FARSB: variants seen among roughly 807,000 people sequenced by gnomAD.
FARSB encodes phenylalanyl-tRNA synthetase subunit beta.
Under a neutral mutation model 69.6 loss-of-function variants are expected in FARSB, and 40 were observed. That is an observed-to-expected ratio of 0.57 (90% CI 0.45 to 0.75). The LOEUF (loss-of-function observed/expected upper bound fraction) is 0.75, where lower values mean the gene tolerates loss of function less well. Ranked by LOEUF, FARSB falls within the 30% of genes least tolerant of loss-of-function variation. The pLI is 0.00. For missense variants in FARSB, 632 were observed against 722.9 expected, an observed-to-expected ratio of 0.87 and a Z score of 1.44; for synonymous variants, 235 against 247.2, an observed-to-expected ratio of 0.95 and a Z score of 0.46.
intron 1 of FARSB, among the ~76,000 whole-genome samples, chr2:222,654,736 T>C (rs895893179): frequency 6.6e-6 from 1 of 152,178 alleles, no homozygotes; most frequent in Non-Finnish European, 1.5e-5. Context: ...AGTACACACT[T>C]AGGAAAGATT....
intron 16 of FARSB, among the ~76,000 whole-genome samples, chr2:222,585,554 A>T (rs1690090688): frequency 6.6e-6 from 1 of 152,256 alleles, no homozygotes; most frequent in Non-Finnish European, 1.5e-5. Flanking sequence ...GCTTCAGAAG[A>T]TCGGTAATAA....
intron 16 of FARSB, among the ~76,000 whole-genome samples, chr2:222,578,852 G>C (rs1379198183): frequency 6.6e-6 from 1 of 152,072 alleles, no homozygotes; most frequent in Non-Finnish European, 1.5e-5. Flanking sequence ...CGTGACGGTG[G>C]GCGCCTGTAG....
chr2:222,609,555 G>A (rs1690790016), intron 15 of FARSB, among the ~76,000 whole-genome samples: 1 of 152,132 alleles, frequency 6.6e-6, no homozygotes, highest in Non-Finnish European at 1.5e-5. Flanking sequence ...AATCAGCTGA[G>A]TCCCTTGAGT....
At chr2:222,574,392 A>G (rs1689785825) in intron 16 of FARSB, among the ~76,000 whole-genome samples, 1 of 152,220 alleles carries the variant, frequency 6.6e-6, no homozygotes, top group South Asian at 2.1e-4. Flanking sequence ...AGTATTCTAC[A>G]TAACATAAAT....
chr2:222,572,364 G>C (rs1036689663), intron 16 of FARSB, among the ~76,000 whole-genome samples: 3 of 152,078 alleles, frequency 2.0e-5, no homozygotes, highest in African/African-American at 4.8e-5. Context: ...TCCTAAAAAG[G>C]CCAAAAGGAA....
intron 16 of FARSB, among the ~76,000 whole-genome samples, chr2:222,576,307 C>A: frequency 6.6e-6 from 1 of 151,810 alleles, no homozygotes; most frequent in East Asian, 1.9e-4. Context: ...AGGCTCGAAC[C>A]CACATATTGT....
chr2:222,633,393 G>C, intron 6 of FARSB, 86 bp from the exon 7 acceptor site: 1 of 643,160 alleles, frequency 1.6e-6, no homozygotes, highest in African/African-American at 2.0e-5. Flanking sequence ...TATTAAAAAA[G>C]AAGAGAACGC....
At chr2:222,610,430 C>T (rs907632065) in intron 15 of FARSB, among the ~76,000 whole-genome samples, 2 of 151,830 alleles carry the variant, frequency 1.3e-5, no homozygotes, top group African/African-American at 4.8e-5. Context: ...ACTCAAAAAA[C>T]AACATTCCTG....
At chr2:222,642,151 C>T (rs1691737403) in intron 3 of FARSB, among the ~76,000 whole-genome samples, 2 of 152,232 alleles carry the variant, frequency 1.3e-5, no homozygotes, top group Admixed American at 6.5e-5. Context: ...CAGGTGCACG[C>T]CACTATGCCT....
At chr2:222,642,773 A>T in intron 3 of FARSB, 78 bp downstream of exon 3, 3 of 1,137,732 alleles carry the variant, frequency 2.6e-6, no homozygotes, top group Non-Finnish European at 3.7e-6. Flanking sequence ...CTAGAAATTT[A>T]AACATGGCTG....
chr2:222,611,671 A>G (rs937464478), intron 15 of FARSB, among the ~76,000 whole-genome samples: 1 of 152,190 alleles, frequency 6.6e-6, no homozygotes, highest in Admixed American at 6.5e-5. Context: ...CAGCTCTCTC[A>G]ATAGGAAGTC....
In FARSB at chr2:222,595,847, C is replaced by G. The variant is rs1690398600; in HGVS notation, c.1618+4081G>C. Among the ~76,000 whole-genome samples, 3 of 151,626 alleles carry G rather than the reference C, an allele frequency of 2.0e-5. No homozygotes were observed. In the South Asian group the frequency reaches 6.2e-4, roughly 32 times the overall value. On this transcript the variant is annotated intron_variant, in intron 16 of 16. Coordinates refer to ENST00000281828, the MANE Select transcript of FARSB (RefSeq NM_005687.5). ...AGTGGTTTTTGAAAAGGATAGATGC[C>G]TCTTAACATACATAATTAAGTTTGC... is the stretch of plus-strand genomic sequence containing the variant.
intron 15 of FARSB, among the ~76,000 whole-genome samples, chr2:222,602,815 CAT>C (rs1284457889): frequency 6.6e-6 from 1 of 152,000 alleles, no homozygotes; most frequent in Non-Finnish European, 1.5e-5. Flanking sequence ...TTTCATCTCT[CAT>C]TAGCACTTTA....
chr2:222,653,010 C>T (rs940133224), intron 1 of FARSB, among the ~76,000 whole-genome samples: 1 of 152,172 alleles, frequency 6.6e-6, no homozygotes, highest in African/African-American at 2.4e-5. Flanking sequence ...CGAAATGACA[C>T]ATCAAGTAAC....
At chr2:222,581,569 A>C (rs1689970410) in intron 16 of FARSB, among the ~76,000 whole-genome samples, 1 of 152,234 alleles carries the variant, frequency 6.6e-6, no homozygotes, top group Non-Finnish European at 1.5e-5. Context: ...TAAATACAGG[A>C]AATGTCAAAA....
intron 1 of FARSB, among the ~76,000 whole-genome samples, chr2:222,653,814 G>T (rs1409478984): frequency 6.6e-6 from 1 of 151,980 alleles, no homozygotes. Context: ...TAGAGACAGG[G>T]TTTTGCTGTG....
intron 5 of FARSB, among the ~76,000 whole-genome samples, chr2:222,634,942 C>T (rs1037458100): frequency 2.0e-5 from 3 of 152,122 alleles, no homozygotes; most frequent in African/African-American, 7.2e-5. Flanking sequence ...AACGAACTAT[C>T]GAATTGTGGG....
At chr2:222,625,581 C>T (rs1234554475) in intron 10 of FARSB, among the ~76,000 whole-genome samples, 2 of 152,196 alleles carry the variant, frequency 1.3e-5, no homozygotes, top group African/African-American at 4.8e-5. Flanking sequence ...GACACCAGAG[C>T]TACTGAAGCC....
At chr2:222,595,154 C>A (rs1690378134) in intron 16 of FARSB, among the ~76,000 whole-genome samples, 1 of 152,136 alleles carries the variant, frequency 6.6e-6, no homozygotes, top group African/African-American at 2.4e-5. Flanking sequence ...GTTGTCTTCA[C>A]AATTTATTTG....
Sources: allele counts gnomAD v4.1 joint callset (sites outside exome capture counted in the v4.1 genomes callset), GRCh38; gene constraint gnomAD v4.1.1; transcripts MANE v1.5; gene names NCBI Gene and HGNC (gene_info 2026-07-23, HGNC 2026-07-21).